SYT16: variants seen among roughly 807,000 people sequenced by gnomAD.
SYT16 encodes synaptotagmin 16, also known as synaptotagmin-16.
In SYT16, 42 loss-of-function variants were observed where a neutral mutation model predicts 61.4. That is an observed-to-expected ratio of 0.68 (90% CI 0.53 to 0.89). SYT16 has a LOEUF of 0.89. SYT16 is among the 40% of genes least tolerant of loss of function. The pLI, the probability that SYT16 is intolerant of heterozygous loss-of-function variation, is 0.00. For synonymous variants in SYT16, 314 were observed against 302.3 expected, an observed-to-expected ratio of 1.04 and a Z score of -0.40; for missense variants, 804 against 807.3, an observed-to-expected ratio of 1.00 and a Z score of 0.05.
chr14:61,946,686 C>G (rs1216572453), intron 1 of SYT16, among the ~76,000 whole-genome samples: 1 of 152,142 alleles, frequency 6.6e-6, no homozygotes, highest in Admixed American at 6.6e-5. Context: ...CTGAATAATA[C>G]TCTTTCAGAG....
chr14:62,054,428 A>T (rs1238398276), intron 3 of SYT16, among the ~76,000 whole-genome samples: 1 of 145,196 alleles, frequency 6.9e-6, no homozygotes, highest in Non-Finnish European at 1.5e-5. Context: ...TGGCATGATC[A>T]TGGCTCACTG....
chr14:62,028,597 A>T (rs142186796), intron 3 of SYT16, among the ~76,000 whole-genome samples: 161 of 152,276 alleles, frequency 1.1e-3, no homozygotes, highest in African/African-American at 3.5e-3. Flanking sequence ...ATATTAATTT[A>T]TGTGTTAATT....
chr14:61,903,189 A>G (rs1335294705), intron 1 of SYT16, among the ~76,000 whole-genome samples: 2 of 151,818 alleles, frequency 1.3e-5, no homozygotes, highest in Non-Finnish European at 1.5e-5. Context: ...CATCTTCACT[A>G]CTAGTATTTG....
At chr14:61,966,388 A>T (rs1406117518) in intron 1 of SYT16, among the ~76,000 whole-genome samples, 2 of 152,144 alleles carry the variant, frequency 1.3e-5, no homozygotes, top group African/African-American at 4.8e-5. Flanking sequence ...AGGTGATAAG[A>T]TTGAACATTA....
chr14:61,954,712 A>C lies in SYT16; in HGVS notation c.-324-15420A>C, dbSNP rs539585796. ...CATGCCTTTAAAGCTTCCCTGTCAA[A>C]GTCTCTAATTTTGTTTAGACTCAGA... On this transcript the variant is annotated intron_variant, in intron 1 of 7. Transcript: ENST00000683842. Among the ~76,000 whole-genome samples the C allele has an allele frequency of 5.9e-5, 9 of 152,080 alleles. No individual in the cohort carries two copies. In the South Asian group the frequency reaches 1.0e-3, roughly 18 times the overall value.
At chr14:62,078,155 C>CTATATATATATATATATA (rs374965535) in intron 5 of SYT16, among the ~76,000 whole-genome samples, 16 of 136,002 alleles carry the variant, frequency 1.2e-4, no homozygotes, top group Admixed American at 5.9e-4. Flanking sequence ...CTCTCTCTCT[C>CTATATATATATATATATA]TATATATATA....
intron 1 of SYT16, among the ~76,000 whole-genome samples, chr14:61,938,026 AACACAC>A (rs3071213): frequency 2.2e-5 from 3 of 135,656 alleles, no homozygotes; most frequent in Non-Finnish European, 4.7e-5. Flanking sequence ...CCTACCCCGC[AACACAC>A]ACACACACAC....
intron 2 of SYT16, among the ~76,000 whole-genome samples, chr14:61,976,234 T>C (rs996699546): frequency 6.6e-6 from 1 of 152,180 alleles, no homozygotes; most frequent in Non-Finnish European, 1.5e-5. Context: ...TCAGTCCCCC[T>C]CCTGGTTGCT....
At chr14:62,023,411 G>C (rs2053984745) in intron 3 of SYT16, among the ~76,000 whole-genome samples, 1 of 152,262 alleles carries the variant, frequency 6.6e-6, no homozygotes, top group South Asian at 2.1e-4. Context: ...TCTCTGCTTA[G>C]CTTTTTAGTT....
At chr14:62,002,616 C>T (rs1371185153) in intron 3 of SYT16, among the ~76,000 whole-genome samples, 1 of 152,082 alleles carries the variant, frequency 6.6e-6, no homozygotes, top group Non-Finnish European at 1.5e-5. Flanking sequence ...CTGCCTCTCT[C>T]CCCGGAGACA....
chr14:61,961,576 A>G (rs1173795482), intron 1 of SYT16, among the ~76,000 whole-genome samples: 1 of 152,194 alleles, frequency 6.6e-6, no homozygotes, highest in African/African-American at 2.4e-5. Flanking sequence ...ACATCATCGT[A>G]TACCAGTCAC....
intron 1 of SYT16, among the ~76,000 whole-genome samples, chr14:61,819,270 A>G (rs1344329976): frequency 1.3e-5 from 2 of 152,348 alleles, no homozygotes; most frequent in African/African-American, 4.8e-5. Flanking sequence ...ATTTAGCATT[A>G]TGAATGATAA....
chr14:62,021,064 C>T (rs2053889909), intron 3 of SYT16, among the ~76,000 whole-genome samples: 1 of 152,116 alleles, frequency 6.6e-6, no homozygotes, highest in African/African-American at 2.4e-5. Flanking sequence ...CCTAAGAACT[C>T]ATCTTGTATT....
Position 62,080,984 on chromosome 14 carries a change from C to T in SYT16, c.1144C>T (p.Arg382Ter), listed in dbSNP as rs1566829692. ...GGCACAGGGCCTCCCAGATAAGGACCGAAGTGGTGTCAACTCCTGGCAAGT... is the reference window on the plus strand; with the variant it reads ...GGCACAGGGCCTCCCAGATAAGGACTGAAGTGGTGTCAACTCCTGGCAAGT... ...VRAQGLPDKD[R>*]SGVNSWQVHV... The change falls in exon 6 of 8, where the codon CGA becomes TGA. Residue 382 changes from arginine (R) to a stop codon, truncating the protein, a stop_gained. Coordinates refer to ENST00000683842, the MANE Select transcript of SYT16 (RefSeq NM_001367656.1). LOFTEE classifies it high-confidence loss of function. The T allele has an allele frequency of 2.5e-6, 4 of 1,613,030 alleles. No homozygotes were observed. Among genetic ancestry groups the T allele is most frequent in the African/African-American group, 1.3e-5 (1 of 74,992 alleles).
At chr14:61,891,083 T>G (rs1316859761) in intron 1 of SYT16, among the ~76,000 whole-genome samples, 1 of 152,192 alleles carries the variant, frequency 6.6e-6, no homozygotes, top group African/African-American at 2.4e-5. Flanking sequence ...GTACTTTGCT[T>G]CTTTTGCCTT....
intron 2 of SYT16, among the ~76,000 whole-genome samples, chr14:61,987,613 TGTC>T (rs905472168): frequency 6.6e-6 from 1 of 152,162 alleles, no homozygotes; most frequent in Admixed American, 6.6e-5. Context: ...GAGAAAGAGT[TGTC>T]AAAGGTAATT....
intron 3 of SYT16, among the ~76,000 whole-genome samples, chr14:62,007,712 G>A (rs952999575): frequency 1.3e-5 from 2 of 152,028 alleles, no homozygotes; most frequent in Non-Finnish European, 2.9e-5. Context: ...TCTGGATGTT[G>A]TTATGATAGA....
At chr14:61,970,407 A>G (rs1189879517) in intron 2 of SYT16, 96 bp downstream of exon 2, 1 of 152,226 alleles carries the variant, frequency 6.6e-6, no homozygotes, top group East Asian at 1.9e-4. Flanking sequence ...AGAATACATT[A>G]TCTTTATGAA....
In SYT16 at chr14:61,933,521, T is replaced by C. The variant is rs571574766; in HGVS notation, c.-324-36611T>C. Among the ~76,000 whole-genome samples, 15 of 152,334 alleles carry C rather than the reference T, an allele frequency of 9.8e-5. No homozygotes were observed. In the South Asian group the frequency reaches 3.1e-3, roughly 32 times the overall value. On this transcript the variant is annotated intron_variant, in intron 1 of 7. Coordinates refer to ENST00000683842, the MANE Select transcript of SYT16 (RefSeq NM_001367656.1). ...GAGCTGTTCTAATCAATCCATGGAC[T>C]CTGAAACAAAAGAGATGCCAGGAGA...
Sources: gnomAD v4.1 joint callset for allele counts (sites outside exome capture counted in the v4.1 genomes callset) on GRCh38, gnomAD v4.1.1 for gene constraint, MANE v1.5 for transcripts, NCBI Gene and HGNC (gene_info 2026-07-23, HGNC 2026-07-21) for gene names.